Variants in DNAAF5 observed in about 807,000 individuals in gnomAD.
DNAAF5 encodes HEAT repeat containing 2.
A neutral mutation model predicts 75.8 loss-of-function variants in DNAAF5; 64 were observed. The observed-to-expected ratio is 0.84, with a 90% confidence interval of 0.69 to 1.04. The LOEUF (loss-of-function observed/expected upper bound fraction) is 1.04, where lower values mean the gene tolerates loss of function less well. DNAAF5 is among the 50% of genes least tolerant of loss of function. The pLI, the probability that DNAAF5 is intolerant of heterozygous loss-of-function variation, is 0.00. For missense variants in DNAAF5, 1,269 were observed against 1,178.5 expected, an observed-to-expected ratio of 1.08 and a Z score of -1.12; for synonymous variants, 657 against 557.2, an observed-to-expected ratio of 1.18 and a Z score of -2.52.
Position 763,918 on chromosome 7 carries a change from A to T in DNAAF5, c.1727A>T (p.Asp576Val), listed in dbSNP as rs1389749172. 2 of 1,610,846 alleles carry T rather than the reference A, an allele frequency of 1.2e-6. No individual in the cohort carries two copies. The highest frequency in any genetic ancestry group is 1.7e-6 in the Non-Finnish European group (2 of 1,180,014). Reference protein sequence around the residue: ...LLERVTASHLDWTAHSPELLQ... With the variant: ...LLERVTASHLVWTAHSPELLQ... ...GAGCGGGTGACCGCGTCGCACCTTG[A>T]CTGGACCGCACACTCGCCGGAGCTC... Residue 576 changes from aspartate to valine, a missense_variant, in exon 8 of 13, where the codon GAC becomes GTC. Transcript: ENST00000297440.
At position 727,167 on chromosome 7, in the gene DNAAF5, G is replaced by A. The variant is rs969984227; in HGVS notation, c.447G>A (p.Leu149=). Reference sequence around the variant, plus strand: ...TGCGCCTGGCGCTTGTGCAGCTGCTGGGCCTGGCCGTGGACCTGTGCGGCG... The same window carrying A: ...TGCGCCTGGCGCTTGTGCAGCTGCTAGGCCTGGCCGTGGACCTGTGCGGCG... ...EELRLALVQL[L]GLAVDLCGAA... is the part of the protein sequence containing the mutation. Residue 149 remains leucine (L), a synonymous_variant, in exon 1 of 13, where the codon CTG becomes CTA. Transcript: ENST00000297440. 1 of 1,314,342 alleles carries A rather than the reference G, an allele frequency of 7.6e-7. No individual in the cohort carries two copies. The highest frequency in any genetic ancestry group is 3.5e-5 in the East Asian group (1 of 28,376). 81.4% of individuals were successfully genotyped at this position (1,314,342 alleles called of 1,614,324 possible).
intron 4 of DNAAF5, among the ~76,000 whole-genome samples, chr7:749,406 TGGC>T (rs1472657819): frequency 2.3e-4 from 35 of 152,328 alleles, no homozygotes; most frequent in Non-Finnish European, 3.5e-4. Context: ...AGGACAGAGT[TGGC>T]TCTTCTTAAA....
chr7:774,445 C>T (rs1051621241), intron 10 of DNAAF5, among the ~76,000 whole-genome samples: 1 of 152,176 alleles, frequency 6.6e-6, no homozygotes. Flanking sequence ...GGTCGTGCTG[C>T]GGGTTTTGCA....
chr7:779,957 C>A lies in DNAAF5; in HGVS notation c.2244C>A (p.Leu748=). The change falls in exon 12 of 13, where the codon CTC becomes CTA. Residue 748 remains leucine, a synonymous_variant. Coordinates refer to ENST00000297440, the MANE Select transcript of DNAAF5 (RefSeq NM_017802.4). ...PEKLIRIYPE[L]LKRLDDVSND... Reference sequence around the variant, plus strand: ...TGTCTCGCTCCCTCCTTCCAGAACTCTTAAAACGCCTAGATGACGTGTCCA... The same window carrying A: ...TGTCTCGCTCCCTCCTTCCAGAACTATTAAAACGCCTAGATGACGTGTCCA... 1.2e-6 allele frequency: 2 copies of A among 1,614,072 alleles called. No individual in the cohort carries two copies. The highest frequency in any genetic ancestry group is 1.7e-6 in the Non-Finnish European group (2 of 1,179,950).
intron 7 of DNAAF5, among the ~76,000 whole-genome samples, 168 bp downstream of exon 7, chr7:762,064 C>T (rs1006749667): frequency 6.6e-6 from 1 of 152,226 alleles, no homozygotes; most frequent in African/African-American, 2.4e-5. Context: ...TTCGGGGCAG[C>T]TCTCCAGCTG....
rs375416161 is a variant in DNAAF5 at position 777,729 on chromosome 7, T to C, written c.2240-2224T>C. On this transcript the variant is annotated intron_variant, in intron 11 of 12. Coordinates refer to ENST00000297440, the MANE Select transcript of DNAAF5 (RefSeq NM_017802.4). Reference sequence around the variant, plus strand: ...GAATGGAGTCATCGGAACTTCACACTCTGTGTACTGGGTCAACTCTAGACT... The same window carrying C: ...GAATGGAGTCATCGGAACTTCACACCCTGTGTACTGGGTCAACTCTAGACT... Among the ~76,000 whole-genome samples, 26 of 152,356 alleles carry C rather than the reference T, an allele frequency of 1.7e-4. No individual in the cohort carries two copies. In the East Asian group the frequency reaches 4.0e-3, roughly 24 times the overall value.
intron 8 of DNAAF5, chr7:769,239 G>A (rs1355020443): frequency 5.3e-6 from 4 of 751,848 alleles, no homozygotes; most frequent in Admixed American, 3.6e-5. Flanking sequence ...GCCAGTGGAC[G>A]CTCCCTCTAC....
At chr7:767,125 G>C (rs1015047485) in intron 8 of DNAAF5, among the ~76,000 whole-genome samples, 1 of 151,900 alleles carries the variant, frequency 6.6e-6, no homozygotes. Flanking sequence ...TGTGGTCCCA[G>C]CTACTCGGGA....
At chr7:753,774 G>A (rs1027308268) in intron 4 of DNAAF5, among the ~76,000 whole-genome samples, 5 of 145,574 alleles carry the variant, frequency 3.4e-5, no homozygotes, top group Admixed American at 1.4e-4. Flanking sequence ...CTTCGCAGGC[G>A]TGTCTCTCTC....
intron 11 of DNAAF5, among the ~76,000 whole-genome samples, chr7:777,179 T>A (rs1317642819): frequency 6.6e-6 from 1 of 152,084 alleles, no homozygotes; most frequent in Non-Finnish European, 1.5e-5. Context: ...ACGTGTACAA[T>A]AAACGTAACG....
intron 6 of DNAAF5, among the ~76,000 whole-genome samples, chr7:758,285 C>G (rs1402519236): frequency 2.0e-5 from 3 of 152,234 alleles, no homozygotes. Flanking sequence ...TGCCTAAATC[C>G]TTATCTCACA....
intron 4 of DNAAF5, among the ~76,000 whole-genome samples, chr7:741,859 T>TGGG (rs1267440345): frequency 6.6e-6 from 1 of 152,106 alleles, no homozygotes. Context: ...AACAGTGGGA[T>TGGG]GAGGGGCTTA....
intron 3 of DNAAF5, 147 bp from the exon 4 acceptor site, chr7:741,200 G>A: frequency 2.9e-6 from 2 of 694,778 alleles, no homozygotes; most frequent in Non-Finnish European, 4.8e-6. Flanking sequence ...AAGATGAAGT[G>A]GAATTTCTGG....
At chr7:756,567 G>A (rs1055997764) in intron 5 of DNAAF5, among the ~76,000 whole-genome samples, 11 of 152,184 alleles carry the variant, frequency 7.2e-5, no homozygotes, top group East Asian at 3.9e-4. Flanking sequence ...CCTGGGAGGC[G>A]TGTCCGGCTC....
chr7:743,174 G>T (rs1183352343), intron 4 of DNAAF5, among the ~76,000 whole-genome samples: 2 of 152,052 alleles, frequency 1.3e-5, no homozygotes, highest in East Asian at 3.8e-4. Flanking sequence ...GACCAACCTG[G>T]GCAACACAGC....
At chr7:780,826 C>CTTTTTTTTTTTTTT (rs201445917) in intron 12 of DNAAF5, among the ~76,000 whole-genome samples, 1 of 131,268 alleles carries the variant, frequency 7.6e-6, no homozygotes, top group Admixed American at 7.6e-5. Flanking sequence ...TTTTTTTTTT[C>CTTTTTTTTTTTTTT]TTTTTTTTTT....
intron 8 of DNAAF5, 89 bp downstream of exon 8, chr7:764,063 G>T: frequency 7.1e-7 from 1 of 1,401,224 alleles, no homozygotes; most frequent in South Asian, 1.2e-5. Flanking sequence ...TACCAGCGCC[G>T]ACCAGCTGAG....
intron 11 of DNAAF5, among the ~76,000 whole-genome samples, chr7:779,658 C>T (rs1022093436): frequency 2.6e-5 from 4 of 152,108 alleles, no homozygotes; most frequent in African/African-American, 4.8e-5. Context: ...GGTGGAGGAC[C>T]AGGTGAGCAC....
chr7:743,562 A>AAG (rs398110966), intron 4 of DNAAF5, among the ~76,000 whole-genome samples: 6 of 149,110 alleles, frequency 4.0e-5, no homozygotes, highest in African/African-American at 7.4e-5. Flanking sequence ...CAGGGAAAGC[A>AAG]CACATGTTTG....
Sources: allele counts gnomAD v4.1 joint callset (sites outside exome capture counted in the v4.1 genomes callset), GRCh38; gene constraint gnomAD v4.1.1; transcripts MANE v1.5; gene names NCBI Gene and HGNC (gene_info 2026-07-23, HGNC 2026-07-21).